The following ZFPM1 variants were observed in gnomAD, a reference collection of about 807,000 sequenced individuals.
The protein encoded by ZFPM1 is zinc finger protein, FOG family member 1, also known as zinc finger protein ZFPM1.
Under a neutral mutation model 46.3 loss-of-function variants are expected in ZFPM1, and 28 were observed. The observed-to-expected ratio is 0.60, with a 90% CI of 0.45 to 0.83. ZFPM1 has a LOEUF of 0.83. Among genes scored for constraint, ZFPM1 ranks in the 40% least tolerant of loss-of-function variants. The pLI, the probability that ZFPM1 is intolerant of heterozygous loss-of-function variation, is 0.00. For synonymous variants in ZFPM1, 957 were observed against 675.9 expected (o/e 1.42, Z -6.45); for missense variants, 1,878 against 1,432.4 (o/e 1.31, Z -5.02).
At chr16:88,529,898 T>C (rs112625455) in intron 6 of ZFPM1, among the ~76,000 whole-genome samples, 6 of 152,062 alleles carry the variant, frequency 3.9e-5, no homozygotes, top group Non-Finnish European at 2.9e-5. Flanking sequence ...CTGGTGGGAA[T>C]AGCTGGTGAC....
chr16:88,514,154 C>T (rs1911140796), intron 3 of ZFPM1, among the ~76,000 whole-genome samples: 2 of 152,192 alleles, frequency 1.3e-5, no homozygotes, highest in Non-Finnish European at 2.9e-5. Flanking sequence ...ACAGCTCGCT[C>T]AAACCCAGCC....
At chr16:88,479,126 G>A (rs1908811607) in intron 1 of ZFPM1, among the ~76,000 whole-genome samples, 1 of 152,174 alleles carries the variant, frequency 6.6e-6, no homozygotes, top group African/African-American at 2.4e-5. Context: ...GATGGATTGC[G>A]CGTGAGGTAC....
intron 1 of ZFPM1, among the ~76,000 whole-genome samples, chr16:88,460,984 A>C (rs796671595): frequency 0.027 from 328 of 12,008 alleles, 7 homozygotes; most frequent in Middle Eastern, 0.083. Context: ...GACCGAGGGG[A>C]GGGGCGGGAG....
chr16:88,528,644 C>T (rs1427020857), intron 6 of ZFPM1, among the ~76,000 whole-genome samples: 1 of 152,212 alleles, frequency 6.6e-6, no homozygotes, highest in East Asian at 1.9e-4. Flanking sequence ...CTGGACACCA[C>T]GGGGGGTGAG....
chr16:88,460,066 G>C (rs1164986326), intron 1 of ZFPM1, among the ~76,000 whole-genome samples: 1 of 151,934 alleles, frequency 6.6e-6, no homozygotes, highest in East Asian at 2.0e-4. Context: ...TCCCCAGGCT[G>C]TGTGGCCTTG....
chr16:88,483,812 C>T (rs1909072330), intron 1 of ZFPM1, among the ~76,000 whole-genome samples: 1 of 152,246 alleles, frequency 6.6e-6, no homozygotes, highest in Non-Finnish European at 1.5e-5. Flanking sequence ...CAGCCAGCCA[C>T]AGCCTGCTCA....
chr16:88,470,192 G>C (rs1235273961), intron 1 of ZFPM1, among the ~76,000 whole-genome samples: 1 of 152,184 alleles, frequency 6.6e-6, no homozygotes, highest in Non-Finnish European at 1.5e-5. Flanking sequence ...CACGGTCCTT[G>C]TCCCTGTGCT....
chr16:88,510,313 G>A (rs1910883444), intron 3 of ZFPM1, among the ~76,000 whole-genome samples: 1 of 152,114 alleles, frequency 6.6e-6, no homozygotes, highest in Non-Finnish European at 1.5e-5. Context: ...CAGACCCACC[G>A]GGCTCCCCTC....
intron 1 of ZFPM1, among the ~76,000 whole-genome samples, chr16:88,484,080 C>T (rs1465324841): frequency 6.6e-6 from 1 of 152,230 alleles, no homozygotes; most frequent in Non-Finnish European, 1.5e-5. Flanking sequence ...CATCTCCCTC[C>T]CATCTTCTGC....
At chr16:88,526,315 G>A (rs986889343) in intron 4 of ZFPM1, among the ~76,000 whole-genome samples, 3 of 152,174 alleles carry the variant, frequency 2.0e-5, no homozygotes, top group African/African-American at 4.8e-5. Flanking sequence ...GGCTAATCTC[G>A]GCCCCAGCCC....
chr16:88,458,304 C>T (rs1907646722), intron 1 of ZFPM1, among the ~76,000 whole-genome samples: 1 of 152,212 alleles, frequency 6.6e-6, no homozygotes, highest in Admixed American at 6.5e-5. Context: ...TGAGGTCTTT[C>T]CCCAGATGGC....
At chr16:88,506,842 G>A (rs1910689757) in intron 3 of ZFPM1, among the ~76,000 whole-genome samples, 1 of 152,190 alleles carries the variant, frequency 6.6e-6, no homozygotes, top group African/African-American at 2.4e-5. Flanking sequence ...GCCCTCGAGT[G>A]GCTTTGTCTC....
At chr16:88,460,409 T>C (rs1907764210) in intron 1 of ZFPM1, among the ~76,000 whole-genome samples, 2 of 152,082 alleles carry the variant, frequency 1.3e-5, no homozygotes. Flanking sequence ...GGCAGTGTCA[T>C]GGTGGCGGCC....
rs888660022 is a variant in ZFPM1 at position 88,534,442 on chromosome 16, C to T, written c.2484C>T (p.Ser828=). Residue 828 remains serine (S), a synonymous_variant, in exon 10 of 10, where the codon AGC becomes AGT. Coordinates refer to ENST00000319555, the MANE Select transcript of ZFPM1 (RefSeq NM_153813.3). The part of the protein sequence containing the change: ...ECTACRVSFH[S]LEAYLAHKKY... ...CGGCCTGCCGCGTGAGCTTCCACAG[C>T]CTCGAGGCCTACCTGGCGCACAAGA... 4.7e-6 allele frequency: 7 copies of T among 1,497,860 alleles called. No homozygotes were observed. Among genetic ancestry groups the T allele is most frequent in the Non-Finnish European group, 4.4e-6 (5 of 1,130,766 alleles). The allele number at this position is 1,497,860 out of a possible 1,614,324, so 92.8% of individuals were successfully genotyped here.
In ZFPM1 at chr16:88,528,245, G is replaced by A. The variant is rs1225341364; in HGVS notation, c.712+7G>A. ...GCCACCGCAGTGATCAACAGTAAGT[G>A]CTGGGCTCTCCGCACCCAGGGCGGC... On this transcript the variant is annotated splice_region_variant and intron_variant, in intron 6 of 9. Transcript: ENST00000319555. The A allele has an allele frequency of 1.3e-6, 2 of 1,592,522 alleles. No homozygotes were observed. The highest frequency in any genetic ancestry group is 1.7e-6 in the Non-Finnish European group (2 of 1,166,942).
chr16:88,465,180 G>A (rs534661063), intron 1 of ZFPM1, among the ~76,000 whole-genome samples: 3 of 152,332 alleles, frequency 2.0e-5, no homozygotes, highest in South Asian at 2.1e-4. Context: ...CCCCGTGTCC[G>A]GAGGTGCAGA....
intron 1 of ZFPM1, among the ~76,000 whole-genome samples, chr16:88,456,152 A>G (rs1907550556): frequency 6.6e-6 from 1 of 152,200 alleles, no homozygotes; most frequent in Non-Finnish European, 1.5e-5. Flanking sequence ...CTTAATTGCC[A>G]AGAAGTTGAT....
Position 88,536,715 on chromosome 16 carries a change from C to G in ZFPM1, c.*1736C>G, listed in dbSNP as rs975962971. On this transcript the variant is annotated 3_prime_UTR_variant, in exon 10 of 10. Coordinates refer to ENST00000319555, the MANE Select transcript of ZFPM1 (RefSeq NM_153813.3). ...GCCAGATGGGGCCCGTAGCCAAGGCCAATGGACAGACATGGCTTCCACCCC... is the reference window on the plus strand; with the variant it reads ...GCCAGATGGGGCCCGTAGCCAAGGCGAATGGACAGACATGGCTTCCACCCC... 2 of 152,420 alleles carry G rather than the reference C, an allele frequency of 1.3e-5. No individual in the cohort carries two copies. Among genetic ancestry groups the G allele is most frequent in the African/African-American group, 4.8e-5 (2 of 41,574 alleles). The allele number at this position is 152,420 out of a possible 1,614,324, so 9.4% of individuals were successfully genotyped here.
chr16:88,456,009 G>A (rs916262898), intron 1 of ZFPM1, among the ~76,000 whole-genome samples: 1 of 152,312 alleles, frequency 6.6e-6, no homozygotes, highest in African/African-American at 2.4e-5. Context: ...TGGCCACCAG[G>A]CCCGGCCGGG....
Sources: gnomAD v4.1 joint callset for allele counts (sites outside exome capture counted in the v4.1 genomes callset) on GRCh38, gnomAD v4.1.1 for gene constraint, MANE v1.5 for transcripts, NCBI Gene and HGNC (gene_info 2026-07-23, HGNC 2026-07-21) for gene names.